The following RXRA variants were observed in gnomAD, a reference collection of about 807,000 sequenced individuals.
The protein encoded by RXRA is retinoic acid receptor RXR-alpha.
A neutral mutation model predicts 44.5 loss-of-function variants in RXRA; 5 were observed. The observed-to-expected ratio is 0.11, with a 90% confidence interval of 0.06 to 0.24. The LOEUF (loss-of-function observed/expected upper bound fraction) is 0.24, where lower values mean the gene tolerates loss of function less well. Ranked by LOEUF, RXRA falls within the 10% of genes least tolerant of loss-of-function variation. The pLI is 1.00. For synonymous variants in RXRA, 291 were observed against 271.4 expected (o/e 1.07, Z -0.71); for missense variants, 412 against 646.5 (o/e 0.64, Z 3.93).
At chr9:134,376,877 G>A (rs910879345) in intron 1 of RXRA, among the ~76,000 whole-genome samples, 22 of 152,244 alleles carry the variant, frequency 1.4e-4, no homozygotes, top group African/African-American at 4.8e-4. Context: ...CACCTTGGGC[G>A]TCGAGTCTCT....
intron 5 of RXRA, among the ~76,000 whole-genome samples, chr9:134,420,577 G>A (rs886205292): frequency 8.5e-5 from 13 of 152,252 alleles, no homozygotes; most frequent in South Asian, 4.1e-4. Flanking sequence ...CCCGCCGGGC[G>A]CTGCGTTTAG....
chr9:134,327,351 CCCT>C (rs1377981337), intron 1 of RXRA, among the ~76,000 whole-genome samples: 1 of 152,120 alleles, frequency 6.6e-6, no homozygotes, highest in Non-Finnish European at 1.5e-5. Context: ...GGGTCAGTTT[CCCT>C]CCTCCTCCTG....
chr9:134,401,606 C>T (rs1233004404), intron 1 of RXRA, 26 bp from the exon 2 acceptor site: 4 of 1,612,294 alleles, frequency 2.5e-6, no homozygotes, highest in Non-Finnish European at 3.4e-6. Context: ...GCACTGACCA[C>T]TCTCCTGCGG....
At chr9:134,332,773 A>C (rs1835025411) in intron 1 of RXRA, among the ~76,000 whole-genome samples, 1 of 152,164 alleles carries the variant, frequency 6.6e-6, no homozygotes, top group African/African-American at 2.4e-5. Context: ...GGAGGCAGCC[A>C]GGCAAGGCCT....
chr9:134,373,519 T>A (rs1208766156), intron 1 of RXRA, among the ~76,000 whole-genome samples: 12 of 152,134 alleles, frequency 7.9e-5, no homozygotes, highest in Admixed American at 5.9e-4. Context: ...GGCCACGAGG[T>A]GGTGTGGGTT....
intron 6 of RXRA, among the ~76,000 whole-genome samples, chr9:134,428,064 C>G (rs968115513): frequency 1.3e-5 from 2 of 152,168 alleles, no homozygotes; most frequent in Admixed American, 6.5e-5. Context: ...AACAGCAGTG[C>G]GTGTGCACGC....
intron 1 of RXRA, among the ~76,000 whole-genome samples, chr9:134,384,723 C>T (rs1830694128): frequency 6.6e-6 from 1 of 152,196 alleles, no homozygotes; most frequent in Non-Finnish European, 1.5e-5. Flanking sequence ...TGGCCCTTTT[C>T]TGTCTTCCAG....
At chr9:134,373,387 G>A (rs910410051) in intron 1 of RXRA, among the ~76,000 whole-genome samples, 4 of 152,270 alleles carry the variant, frequency 2.6e-5, no homozygotes, top group South Asian at 4.1e-4. Context: ...GCTGTGTGCC[G>A]GGCCCTGCGC....
intron 2 of RXRA, chr9:134,404,809 C>G (rs1163632890): frequency 6.6e-6 from 1 of 152,438 alleles, no homozygotes; most frequent in Admixed American, 6.5e-5. Flanking sequence ...CAGAGTGGGC[C>G]TTTCCCAAGT....
intron 3 of RXRA, 26 bp from the exon 4 acceptor site, chr9:134,408,914 C>T: frequency 2.0e-6 from 3 of 1,466,864 alleles, no homozygotes; most frequent in Non-Finnish European, 2.7e-6. Context: ...GGGTGCTCCC[C>T]AGCCCTGCTC....
chr9:134,408,539 G>A (rs1002361136), intron 3 of RXRA, among the ~76,000 whole-genome samples: 3 of 152,232 alleles, frequency 2.0e-5, no homozygotes, highest in South Asian at 4.1e-4. Context: ...TGAGGCTTCC[G>A]GAGAGGAGGT....
Position 134,342,539 on chromosome 9 carries a change from C to CG in RXRA, c.28+15886dup, listed in dbSNP as rs1281765575. On this transcript the variant is annotated intron_variant, in intron 1 of 9. Coordinates refer to ENST00000481739, the MANE Select transcript of RXRA (RefSeq NM_002957.6). The surrounding 1 kb of genome is among the most constrained non-coding windows in gnomAD (Gnocchi z 4.4). ...CTGTGCGCCCTCTTCCTGCCATCAG[C>CG]GGGGGGCAGTGGGTTGGTGCAGGCA... is the stretch of plus-strand genomic sequence containing the variant. 1.3e-5 allele frequency among the ~76,000 whole-genome samples: 2 copies of CG among 152,176 alleles called. No individual in the cohort carries two copies. Among genetic ancestry groups the CG allele is most frequent in the African/African-American group, 2.4e-5 (1 of 41,446 alleles).
At chr9:134,362,037 G>C (rs934356683) in intron 1 of RXRA, among the ~76,000 whole-genome samples, 1 of 152,162 alleles carries the variant, frequency 6.6e-6, no homozygotes, top group Non-Finnish European at 1.5e-5. Context: ...GCCCCAATCT[G>C]TCTCCCAGCC....
At chr9:134,379,781 G>C (rs34215473) in intron 1 of RXRA, 748,114 of 985,136 alleles carry the variant, frequency 0.76, 286,824 homozygotes, top group Non-Finnish European at 0.78. Flanking sequence ...CCTGGGCCCA[G>C]CTGCCCCTAA....
At chr9:134,423,733 A>G (rs1231758206) in intron 6 of RXRA, 1 of 985,344 alleles carries the variant, frequency 1.0e-6, no homozygotes, top group South Asian at 4.7e-5. Context: ...TCCGCCTGCC[A>G]AGGGAACCCT....
chr9:134,347,117 C>G (rs1110102), intron 1 of RXRA, among the ~76,000 whole-genome samples: 18,011 of 132,646 alleles, frequency 0.14, 1,300 homozygotes, highest in African/African-American at 0.23. Context: ...GTGGAGGTGA[C>G]GGGCAAGGGT....
At chr9:134,399,347 C>T (rs1352374176) in intron 1 of RXRA, among the ~76,000 whole-genome samples, 1 of 152,232 alleles carries the variant, frequency 6.6e-6, no homozygotes, top group Non-Finnish European at 1.5e-5. Context: ...CCCTGTCTGT[C>T]ACAGGCTGGT....
chr9:134,425,425 C>A, intron 6 of RXRA: 1 of 985,098 alleles, frequency 1.0e-6, no homozygotes, highest in Non-Finnish European at 1.2e-6. Context: ...TTTCTCCGTC[C>A]AACCTCCTTC....
intron 1 of RXRA, among the ~76,000 whole-genome samples, chr9:134,383,926 G>T (rs1001011943): frequency 6.6e-6 from 1 of 152,264 alleles, no homozygotes. Flanking sequence ...CCAAGGGACC[G>T]TCTGGCCTGA....
Sources: gnomAD v4.1 joint callset for allele counts (sites outside exome capture counted in the v4.1 genomes callset) on GRCh38, gnomAD v4.1.1 for gene constraint, Gnocchi (gnomAD v3.1) non-coding constraint, MANE v1.5 for transcripts, NCBI Gene and HGNC (gene_info 2026-07-23, HGNC 2026-07-21) for gene names.